The following TMEM185A variants were observed in gnomAD, a reference collection of about 807,000 sequenced individuals.
The protein encoded by TMEM185A is transmembrane protein 185A.
In TMEM185A, 9 loss-of-function variants were observed where a neutral mutation model predicts 25.0. The observed-to-expected ratio is 0.36, with a 90% CI of 0.22 to 0.63. TMEM185A has a LOEUF of 0.63. TMEM185A is among the 20% of genes least tolerant of loss of function. The pLI is 0.68. For synonymous variants in TMEM185A, 45 were observed against 93.5 expected (o/e 0.48, Z 2.99); for missense variants, 103 against 237.4 (o/e 0.43, Z 3.72).
At chrX:149,623,436 A>T (rs16992980) in intron 1 of TMEM185A, among the ~76,000 whole-genome samples, 3,718 of 111,959 alleles carry the variant, frequency 0.033, 155 homozygotes, top group African/African-American at 0.11. Flanking sequence ...GACCAGAGGT[A>T]GACATTTTAT....
chrX:149,604,296 C>G (rs1312379592), intron 3 of TMEM185A, among the ~76,000 whole-genome samples: 2 of 112,624 alleles, frequency 1.8e-5, no homozygotes, highest in Non-Finnish European at 3.8e-5. Flanking sequence ...CTGCCTTGCC[C>G]TTTCTGGCCT....
intron 1 of TMEM185A, among the ~76,000 whole-genome samples, chrX:149,618,183 A>G (rs1246047789): frequency 8.9e-6 from 1 of 111,941 alleles, no homozygotes; most frequent in Non-Finnish European, 1.9e-5. Context: ...AGCAGCTAAC[A>G]GGTCTCCACT....
At chrX:149,611,553 A>C in intron 1 of TMEM185A, 90 bp from the exon 2 acceptor site, 1 of 831,712 alleles carries the variant, frequency 1.2e-6, no homozygotes, top group Non-Finnish European at 1.7e-6. Flanking sequence ...ATTTGTCAGC[A>C]TGTAAAAGGA....
intron 1 of TMEM185A, among the ~76,000 whole-genome samples, chrX:149,624,248 T>C (rs2124235866): frequency 8.9e-6 from 1 of 112,476 alleles, no homozygotes; most frequent in Admixed American, 9.4e-5. Flanking sequence ...CACTAAGTAG[T>C]GCTACCTGGG....
chrX:149,605,866 C>T (rs782044549), intron 3 of TMEM185A, among the ~76,000 whole-genome samples: 108 of 111,620 alleles, frequency 9.7e-4, no homozygotes, highest in Non-Finnish European at 1.8e-3. Context: ...ACATTCTTGC[C>T]CACAAAATTG....
intron 3 of TMEM185A, among the ~76,000 whole-genome samples, chrX:149,604,708 C>G (rs1028750345): frequency 3.6e-5 from 4 of 111,613 alleles, no homozygotes; most frequent in African/African-American, 1.3e-4. Flanking sequence ...CAAGCCCCTA[C>G]TATCTCATCT....
intron 1 of TMEM185A, among the ~76,000 whole-genome samples, chrX:149,631,171 C>T (rs1396653490): frequency 9.1e-6 from 1 of 109,856 alleles, no homozygotes; most frequent in Non-Finnish European, 1.9e-5. Flanking sequence ...TGAGACGGCC[C>T]TGACGCGGAG....
intron 4 of TMEM185A, among the ~76,000 whole-genome samples, chrX:149,603,429 G>T (rs782389268): frequency 8.1e-5 from 9 of 111,264 alleles, no homozygotes; most frequent in Non-Finnish European, 1.7e-4. Context: ...GCCTGGCCAG[G>T]TATGGCTTTT....
At chrX:149,621,255 A>C (rs1023002136) in intron 1 of TMEM185A, among the ~76,000 whole-genome samples, 1 of 111,145 alleles carries the variant, frequency 9.0e-6, no homozygotes, top group Non-Finnish European at 1.9e-5. Context: ...AGCTAACTTC[A>C]TTATCCTCTG....
intron 1 of TMEM185A, among the ~76,000 whole-genome samples, chrX:149,611,721 T>A (rs1331043949): frequency 8.9e-6 from 1 of 111,813 alleles, no homozygotes; most frequent in Non-Finnish European, 1.9e-5. Flanking sequence ...CAGCACAATG[T>A]TTGTGATGAG....
At chrX:149,624,213 T>C (rs1242616244) in intron 1 of TMEM185A, among the ~76,000 whole-genome samples, 6 of 111,992 alleles carry the variant, frequency 5.4e-5, no homozygotes, top group Admixed American at 9.4e-5. Context: ...CTCATTTGAA[T>C]CTGTAGTGTT....
At chrX:149,604,821 A>G (rs1557353035) in intron 3 of TMEM185A, among the ~76,000 whole-genome samples, 3 of 110,733 alleles carry the variant, frequency 2.7e-5, no homozygotes, top group Admixed American at 9.5e-5. Context: ...AAACACTTCA[A>G]CTGGCATCCT....
chrX:149,618,019 C>A (rs1452822155), intron 1 of TMEM185A, among the ~76,000 whole-genome samples: 1 of 111,683 alleles, frequency 9.0e-6, no homozygotes, highest in Non-Finnish European at 1.9e-5. Context: ...AGATAAGGAA[C>A]AGAAAGCTCA....
intron 1 of TMEM185A, among the ~76,000 whole-genome samples, chrX:149,625,966 C>G (rs4843988): frequency 0.07 from 7,846 of 111,998 alleles, 214 homozygotes; most frequent in Middle Eastern, 0.12. Flanking sequence ...GGAGTTGTCA[C>G]TTAACTAGAA....
chrX:149,613,885 G>C (rs1160839611), intron 1 of TMEM185A, among the ~76,000 whole-genome samples: 2 of 111,763 alleles, frequency 1.8e-5, no homozygotes, highest in Non-Finnish European at 3.8e-5. Context: ...AATGATAAAG[G>C]GGTCAATTTG....
chrX:149,630,810 G>C (rs1488684921), intron 1 of TMEM185A, among the ~76,000 whole-genome samples: 1 of 111,448 alleles, frequency 9.0e-6, no homozygotes, highest in East Asian at 2.8e-4. Context: ...CAAAACAGTC[G>C]GGCAAGTGCA....
chrX:149,627,004 T>C (rs1222454358), intron 1 of TMEM185A, among the ~76,000 whole-genome samples: 1 of 111,906 alleles, frequency 8.9e-6, no homozygotes, highest in African/African-American at 3.3e-5. Flanking sequence ...TTCCCAGGGA[T>C]GAGCAGGAGA....
chrX:149,611,568 C>T (rs1602867653), intron 1 of TMEM185A, 105 bp from the exon 2 acceptor site: 3 of 723,246 alleles, frequency 4.1e-6, no homozygotes, highest in East Asian at 3.3e-5. Flanking sequence ...AAAGGAGTCA[C>T]TAACTCAATA....
chrX:149,628,831 AG>A (rs1170552116), intron 1 of TMEM185A, among the ~76,000 whole-genome samples: 27 of 112,498 alleles, frequency 2.4e-4, no homozygotes, highest in African/African-American at 8.7e-4. Context: ...AAAGAGAACC[AG>A]GCCACAGACC....
Sources: gnomAD v4.1 joint callset for allele counts (sites outside exome capture counted in the v4.1 genomes callset) on GRCh38, gnomAD v4.1.1 for gene constraint, MANE v1.5 for transcripts, NCBI Gene and HGNC (gene_info 2026-07-23, HGNC 2026-07-21) for gene names.